Variants in ABTB2 observed in about 807,000 individuals in gnomAD.
The protein encoded by ABTB2 is ankyrin repeat and BTB/POZ domain-containing protein 2.
Under a neutral mutation model 104.1 loss-of-function variants are expected in ABTB2, and 56 were observed. The ratio of observed to expected loss-of-function variants is 0.54; its 90% CI spans 0.43 to 0.67. ABTB2 has a LOEUF of 0.67. Ranked by LOEUF, ABTB2 falls within the 30% of genes least tolerant of loss-of-function variation. The pLI is 0.00. For synonymous variants in ABTB2, 606 were observed against 608.2 expected (o/e 1.00, Z 0.05); for missense variants, 1,279 against 1,407.7 (o/e 0.91, Z 1.46).
chr11:34,168,395 T>TG (rs1852830866), intron 5 of ABTB2, among the ~76,000 whole-genome samples: 1 of 152,230 alleles, frequency 6.6e-6, no homozygotes, highest in Non-Finnish European at 1.5e-5. Flanking sequence ...ATGTATAAAG[T>TG]GCTTAGTTCA....
intron 3 of ABTB2, among the ~76,000 whole-genome samples, chr11:34,184,575 G>A (rs369257374): frequency 3.9e-5 from 6 of 152,336 alleles, no homozygotes; most frequent in Non-Finnish European, 7.3e-5. Context: ...ACCCCTCCTC[G>A]CTTTCCCACA....
chr11:34,190,265 G>GA (rs1554981962), intron 3 of ABTB2, among the ~76,000 whole-genome samples: 2 of 72,422 alleles, frequency 2.8e-5, no homozygotes, highest in Non-Finnish European at 5.6e-5. Flanking sequence ...CTGCCCCGCT[G>GA]CCCCCCCAAA....
At chr11:34,274,158 C>T (rs1366939327) in intron 1 of ABTB2, among the ~76,000 whole-genome samples, 1 of 50,738 alleles carries the variant, frequency 2.0e-5, no homozygotes, top group Non-Finnish European at 3.7e-5. Flanking sequence ...GACTCCGTCT[C>T]AAAAAAAAAA....
chr11:34,348,090 A>G (rs980076854), intron 1 of ABTB2, among the ~76,000 whole-genome samples: 1 of 152,188 alleles, frequency 6.6e-6, no homozygotes, highest in Admixed American at 6.5e-5. Flanking sequence ...ATTCAACAAG[A>G]AAAGAAGGGT....
At chr11:34,277,494 A>C (rs1043652578) in intron 1 of ABTB2, among the ~76,000 whole-genome samples, 47 of 151,760 alleles carry the variant, frequency 3.1e-4, no homozygotes, top group African/African-American at 1.1e-3. Flanking sequence ...AAAAAAACAA[A>C]CAGATTTGGC....
intron 1 of ABTB2, chr11:34,335,547 C>A: frequency 7.6e-7 from 1 of 1,308,388 alleles, no homozygotes; most frequent in South Asian, 1.2e-5. Flanking sequence ...CAATTCTGGA[C>A]ACGTTTGTAT....
chr11:34,229,112 T>A (rs1463880565), intron 1 of ABTB2, among the ~76,000 whole-genome samples: 2 of 122,092 alleles, frequency 1.6e-5, no homozygotes, highest in Non-Finnish European at 3.3e-5. Flanking sequence ...AGAGCAAGAC[T>A]CCGTCTTGGA....
intron 10 of ABTB2, among the ~76,000 whole-genome samples, chr11:34,161,471 A>AC (rs1264944189): frequency 6.6e-6 from 1 of 152,158 alleles, no homozygotes; most frequent in East Asian, 1.9e-4. Flanking sequence ...TACTTGCTAG[A>AC]GAGGTCTCAT....
At chr11:34,353,369 G>A (rs1255188372) in intron 1 of ABTB2, among the ~76,000 whole-genome samples, 1 of 152,202 alleles carries the variant, frequency 6.6e-6, no homozygotes, top group Non-Finnish European at 1.5e-5. Flanking sequence ...TGGGGGAGAG[G>A]AGGGAGAGAG....
At chr11:34,188,585 A>G (rs765589782) in intron 3 of ABTB2, among the ~76,000 whole-genome samples, 13 of 152,228 alleles carry the variant, frequency 8.5e-5, no homozygotes, top group Non-Finnish European at 1.8e-4. Flanking sequence ...TATTTCATTT[A>G]CTTCCATTTT....
At chr11:34,157,616 A>G (rs1852648114) in intron 14 of ABTB2, among the ~76,000 whole-genome samples, 2 of 152,152 alleles carry the variant, frequency 1.3e-5, no homozygotes, top group Admixed American at 1.3e-4. Context: ...AAAGCTGCCC[A>G]TTCTCCAGTG....
chr11:34,350,799 C>T (rs1855389385), intron 1 of ABTB2, among the ~76,000 whole-genome samples: 1 of 152,198 alleles, frequency 6.6e-6, no homozygotes, highest in Non-Finnish European at 1.5e-5. Flanking sequence ...TATTTGCTAC[C>T]TTGGATTCTG....
rs148097001 is a variant in ABTB2 at position 34,276,898 on chromosome 11, G to A, written c.884-72208C>T. On this transcript the variant is annotated intron_variant, in intron 1 of 16. Coordinates refer to ENST00000435224, the MANE Select transcript of ABTB2 (RefSeq NM_145804.3). The stretch of plus-strand genomic sequence containing the variant: ...CAGTAGGTGCCCACTTGGCTGAGAA[G>A]TACGTGTGTATGTACGTATTTGAGA... Among the ~76,000 whole-genome samples the A allele has an allele frequency of 2.6e-3, 394 of 152,302 alleles. 5 individuals are homozygous for A. The highest frequency in any genetic ancestry group is 0.025 in the South Asian group (119 of 4,822).
intron 1 of ABTB2, among the ~76,000 whole-genome samples, chr11:34,264,309 G>T (rs1295790778): frequency 6.6e-6 from 1 of 152,194 alleles, no homozygotes; most frequent in East Asian, 1.9e-4. Context: ...CCATCCCTAG[G>T]ATTCAATGGC....
intron 3 of ABTB2, among the ~76,000 whole-genome samples, chr11:34,189,004 A>G (rs1463474789): frequency 6.6e-6 from 1 of 152,224 alleles, no homozygotes. Flanking sequence ...GAGAGGTAAG[A>G]TGATTTGCTT....
In ABTB2 at chr11:34,272,725, A is replaced by C. The variant is rs563362464; in HGVS notation, c.884-68035T>G. On this transcript the variant is annotated intron_variant, in intron 1 of 16. Coordinates refer to ENST00000435224, the MANE Select transcript of ABTB2 (RefSeq NM_145804.3). ...CCGTCTCAAAAAAAAAAAAAAAAAA[A>C]AAAAAACCAACCAACCATACACACT... 5.0e-3 allele frequency among the ~76,000 whole-genome samples: 751 copies of C among 150,116 alleles called. 10 individuals are homozygous for C. Among genetic ancestry groups the C allele is most frequent in the African/African-American group, 0.017 (680 of 40,592 alleles).
chr11:34,188,195 G>A (rs911035852), intron 3 of ABTB2, among the ~76,000 whole-genome samples: 2 of 152,158 alleles, frequency 1.3e-5, no homozygotes, highest in African/African-American at 4.8e-5. Flanking sequence ...GCAGAGCCGG[G>A]ACCCCATATC....
At chr11:34,198,213 C>T (rs1301545083) in intron 2 of ABTB2, among the ~76,000 whole-genome samples, 2 of 152,096 alleles carry the variant, frequency 1.3e-5, no homozygotes, top group African/African-American at 4.8e-5. Context: ...TCACTTTAGG[C>T]CAGGAGTTTG....
chr11:34,199,973 C>T (rs1853316369), intron 2 of ABTB2, among the ~76,000 whole-genome samples: 2 of 152,156 alleles, frequency 1.3e-5, no homozygotes, highest in Non-Finnish European at 2.9e-5. Context: ...CCACATTTCC[C>T]AGGACAGGAG....
Sources: allele counts gnomAD v4.1 joint callset (sites outside exome capture counted in the v4.1 genomes callset), GRCh38; gene constraint gnomAD v4.1.1; transcripts MANE v1.5; gene names NCBI Gene and HGNC (gene_info 2026-07-23, HGNC 2026-07-21).